Variants in ADARB2 observed in about 807,000 individuals in gnomAD.
ADARB2 encodes the protein inactive double-stranded RNA-specific editase B2.
A neutral mutation model predicts 62.2 loss-of-function variants in ADARB2; 25 were observed. That is an observed-to-expected ratio of 0.40 (90% CI 0.29 to 0.56). ADARB2 has a LOEUF of 0.56. Among genes scored for constraint, ADARB2 ranks in the 20% least tolerant of loss-of-function variants. The probability of loss-of-function intolerance (pLI) is 0.43; values close to 1 mark genes in which losing one functional copy is unlikely to be tolerated. For missense variants in ADARB2, 1,071 were observed against 1,077.4 expected (o/e 0.99, Z 0.08); for synonymous variants, 572 against 500.8 (o/e 1.14, Z -1.90).
chr10:1,614,785 C>T (rs1359858193), intron 1 of ADARB2, among the ~76,000 whole-genome samples: 3 of 152,114 alleles, frequency 2.0e-5, no homozygotes, highest in Admixed American at 6.5e-5. Context: ...GTGGCGGGCA[C>T]CTGTAGTCCC....
At chr10:1,356,921 C>T (rs1303715087) in intron 3 of ADARB2, among the ~76,000 whole-genome samples, 2 of 152,166 alleles carry the variant, frequency 1.3e-5, no homozygotes, top group Non-Finnish European at 2.9e-5. Flanking sequence ...CAGTCTTCTC[C>T]CTGAGTTACA....
rs116291271 is a variant in ADARB2, at chr10:1,599,279, G to A, written c.100+137772C>T. On this transcript the variant is annotated intron_variant, in intron 1 of 9. Transcript: ENST00000381312. ...AGAATCTCACTGTTCTATGACCAGG[G>A]ACTGACCCAGAGGCTTCTGTTTGCT... Among the ~76,000 whole-genome samples, 501 of 152,324 alleles carry A rather than the reference G, an allele frequency of 3.3e-3. 5 individuals are homozygous for A. Among genetic ancestry groups the A allele is most frequent in the African/African-American group, 0.011 (468 of 41,564 alleles).
chr10:1,435,795 C>T (rs1830829444), intron 1 of ADARB2, among the ~76,000 whole-genome samples: 1 of 152,188 alleles, frequency 6.6e-6, no homozygotes, highest in Non-Finnish European at 1.5e-5. Context: ...AGGATGTGGC[C>T]TCCGGGAAGG....
intron 1 of ADARB2, among the ~76,000 whole-genome samples, chr10:1,525,181 T>C (rs565700926): frequency 3.5e-4 from 53 of 152,306 alleles, no homozygotes; most frequent in African/African-American, 1.3e-3. Context: ...CTTAAATAAT[T>C]GCTTTCCTTT....
At position 1,183,256 on chromosome 10, in the gene ADARB2, C is replaced by G. The variant is rs200586132; in HGVS notation, c.2157G>C (p.Lys719Asn). The change falls in exon 10 of 10, where the codon AAG becomes AAC. Residue 719 changes from lysine (K) to asparagine (N), a missense_variant. Coordinates refer to ENST00000381312, the MANE Select transcript of ADARB2 (RefSeq NM_018702.4). ...VKQQLFKAFQ[K>N]AGLGTWVRKP... ...TCCTCACCCAGGTGCCCAGGCCAGC[C>G]TTCTGAAAGGCCTTGAACAGCTGCT... is the stretch of plus-strand genomic sequence containing the variant. 8 of 1,614,022 alleles carry G rather than the reference C, an allele frequency of 5.0e-6. No homozygotes were observed. Among genetic ancestry groups the G allele is most frequent in the Non-Finnish European group, 6.8e-6 (8 of 1,180,054 alleles).
chr10:1,213,510 T>G (rs751559250), intron 7 of ADARB2, among the ~76,000 whole-genome samples: 6 of 152,128 alleles, frequency 3.9e-5, no homozygotes, highest in Non-Finnish European at 8.8e-5. Context: ...CACCCCCCTG[T>G]CCACTGCACC....
chr10:1,441,124 G>A (rs1294796820), intron 1 of ADARB2, among the ~76,000 whole-genome samples: 1 of 152,168 alleles, frequency 6.6e-6, no homozygotes, highest in South Asian at 2.1e-4. Flanking sequence ...TGCAGTAGAC[G>A]ACTAGTTTCA....
intron 1 of ADARB2, among the ~76,000 whole-genome samples, chr10:1,524,165 A>G (rs1356663865): frequency 1.3e-5 from 2 of 152,168 alleles, no homozygotes; most frequent in Non-Finnish European, 2.9e-5. Flanking sequence ...AAGGTACACA[A>G]AATTTTGTAG....
At chr10:1,714,276 C>T (rs189725257) in intron 1 of ADARB2, among the ~76,000 whole-genome samples, 10 of 152,308 alleles carry the variant, frequency 6.6e-5, no homozygotes, top group South Asian at 4.2e-4. Flanking sequence ...CCGTAAACGA[C>T]GTGTGAGTGT....
At chr10:1,355,204 A>C (rs1006014183) in intron 3 of ADARB2, among the ~76,000 whole-genome samples, 2 of 16,794 alleles carry the variant, frequency 1.2e-4, no homozygotes, top group Non-Finnish European at 4.0e-3. Flanking sequence ...ACTAATAACA[A>C]ACACTCTTGT....
chr10:1,315,018 G>A (rs1831725113), intron 3 of ADARB2, among the ~76,000 whole-genome samples: 1 of 152,206 alleles, frequency 6.6e-6, no homozygotes, highest in Non-Finnish European at 1.5e-5. Flanking sequence ...ACGGAGAGAA[G>A]CCGCCCCGAG....
At chr10:1,289,472 G>GGGA (rs138736405) in intron 3 of ADARB2, among the ~76,000 whole-genome samples, 1 of 152,270 alleles carries the variant, frequency 6.6e-6, no homozygotes, top group Non-Finnish European at 1.5e-5. Context: ...ACCTGGAAGA[G>GGGA]GGAGGAGGAG....
Position 1,346,737 on chromosome 10 carries a change from C to T in ADARB2, c.1077+16291G>A, listed in dbSNP as rs544570238. ...CCAGACACTACCTGGGGCAGCAGGC[C>T]GGGAGCCAGGCCCATGTCAGGCGAG... On this transcript the variant is annotated intron_variant, in intron 3 of 9. Coordinates refer to ENST00000381312, the MANE Select transcript of ADARB2 (RefSeq NM_018702.4). Among the ~76,000 whole-genome samples the T allele has an allele frequency of 5.0e-4, 76 of 152,388 alleles. 1 individual carries two copies. The highest frequency in any genetic ancestry group is 2.7e-3 in the East Asian group (14 of 5,186).
chr10:1,576,540 A>G lies in ADARB2; in HGVS notation c.100+160511T>C, dbSNP rs114728818. ...GCCGAGAGGACTGAGGGTCCCGTGA[A>G]CTGCAGGTGGGACCCCAGGGATAAG... On this transcript the variant is annotated intron_variant, in intron 1 of 9. Coordinates refer to ENST00000381312, the MANE Select transcript of ADARB2 (RefSeq NM_018702.4). 7.2e-3 allele frequency among the ~76,000 whole-genome samples: 1,089 copies of G among 152,212 alleles called. 11 individuals carry two copies. Among genetic ancestry groups the G allele is most frequent in the African/African-American group, 0.025 (1,047 of 41,528 alleles).
intron 2 of ADARB2, among the ~76,000 whole-genome samples, chr10:1,372,010 G>A (rs1222512531): frequency 6.6e-6 from 1 of 152,104 alleles, no homozygotes; most frequent in Non-Finnish European, 1.5e-5. Context: ...ACGCCTGTAC[G>A]TGTATGTTCA....
intron 1 of ADARB2, among the ~76,000 whole-genome samples, chr10:1,552,999 C>T (rs536375784): frequency 4.8e-4 from 73 of 152,304 alleles, no homozygotes; most frequent in Non-Finnish European, 8.7e-4. Context: ...ATGGTCTGTG[C>T]CCAGTCACTG....
At chr10:1,349,824 C>T (rs932554255) in intron 3 of ADARB2, among the ~76,000 whole-genome samples, 2 of 152,096 alleles carry the variant, frequency 1.3e-5, no homozygotes, top group Non-Finnish European at 1.5e-5. Context: ...CATCCATGTT[C>T]CACTGATGTC....
chr10:1,529,011 G>T (rs1487709667), intron 1 of ADARB2, among the ~76,000 whole-genome samples: 1 of 152,104 alleles, frequency 6.6e-6, no homozygotes, highest in Non-Finnish European at 1.5e-5. Context: ...GATGTTGCTT[G>T]TGAGGTGGGT....
chr10:1,480,535 A>G (rs549144732), intron 1 of ADARB2, among the ~76,000 whole-genome samples: 1 of 152,272 alleles, frequency 6.6e-6, no homozygotes, highest in South Asian at 2.1e-4. Flanking sequence ...CATCTCTACT[A>G]AAAATACAAA....
Sources: allele counts gnomAD v4.1 joint callset (sites outside exome capture counted in the v4.1 genomes callset), GRCh38; gene constraint gnomAD v4.1.1; transcripts MANE v1.5; gene names NCBI Gene and HGNC (gene_info 2026-07-23, HGNC 2026-07-21).